UNC79: variants seen among roughly 807,000 people sequenced by gnomAD.
The protein encoded by UNC79 is protein unc-79 homolog.
In UNC79, 37 loss-of-function variants were observed where a neutral mutation model predicts 283.1. The ratio of observed to expected loss-of-function variants is 0.13; its 90% CI spans 0.10 to 0.17. The LOEUF (loss-of-function observed/expected upper bound fraction) is 0.17, where lower values mean the gene tolerates loss of function less well. UNC79 is among the 10% of genes least tolerant of loss of function. The pLI, the probability that UNC79 is intolerant of heterozygous loss-of-function variation, is 1.00. For missense variants in UNC79, 2,272 were observed against 3,211.1 expected, an observed-to-expected ratio of 0.71 and a Z score of 7.07; for synonymous variants, 1,107 against 1,200.2, an observed-to-expected ratio of 0.92 and a Z score of 1.61.
chr14:93,691,802 G>A, exon 46 of UNC79: 2 of 1,614,240 alleles, frequency 1.2e-6, no homozygotes, highest in African/African-American at 1.3e-5. Context: ...TTGCTCAGCT[G>A]TGGACAGTTT....
chr14:93,688,725 G>A lies in UNC79; in HGVS notation c.6970G>A (p.Val2324Met). ...AGATACCTTTGGGGGACATCTCAAA[G>A]TGGGGCTGGCCCAGATTGCAGCCAT... The change falls in exon 44 of 49, where the codon GTG becomes ATG. Residue 2324 changes from valine to methionine, a missense_variant. Around this residue, in one of 11 missense-constraint regions of UNC79, gnomAD observed 1 missense variants for 16.1 expected, o/e 0.06. Transcript: ENST00000555664. This position sits in a 1 kb window ranked among gnomAD's most constrained non-coding sequence, Gnocchi z 4.0. 6.2e-7 allele frequency: 1 copy of A among 1,614,126 alleles called. No homozygotes were observed. The highest frequency in any genetic ancestry group is 8.5e-7 in the Non-Finnish European group (1 of 1,180,016).
intron 5 of UNC79, among the ~76,000 whole-genome samples, chr14:93,496,167 T>C (rs1247611119): frequency 1.3e-5 from 2 of 152,208 alleles, no homozygotes; most frequent in African/African-American, 4.8e-5. Context: ...ACTACCGACA[T>C]TAAAAATATT....
At chr14:93,524,038 T>C in exon 8 of UNC79, 1 of 1,614,146 alleles carries the variant, frequency 6.2e-7, no homozygotes, top group Non-Finnish European at 8.5e-7. Flanking sequence ...AAACCAGCTG[T>C]GAAGGTACTG....
At chr14:93,698,729 G>A (rs2075333387) in intron 47 of UNC79, among the ~76,000 whole-genome samples, 1 of 151,926 alleles carries the variant, frequency 6.6e-6, no homozygotes, top group African/African-American at 2.4e-5. Context: ...CAAGGGATCT[G>A]CCCACCTTGG....
At chr14:93,383,422 T>C (rs556470491) in intron 1 of UNC79, among the ~76,000 whole-genome samples, 2 of 152,272 alleles carry the variant, frequency 1.3e-5, no homozygotes, top group East Asian at 3.9e-4. Context: ...ATAAAGCAAA[T>C]ATAGCAATAA....
intron 1 of UNC79, among the ~76,000 whole-genome samples, chr14:93,418,485 G>C (rs2140064628): frequency 6.6e-6 from 1 of 151,904 alleles, no homozygotes; most frequent in African/African-American, 2.4e-5. Flanking sequence ...GGACCCACTT[G>C]AGGAGGCAGT....
intron 26 of UNC79, among the ~76,000 whole-genome samples, chr14:93,605,759 A>T (rs2065840353): frequency 6.6e-6 from 1 of 152,212 alleles, no homozygotes; most frequent in Non-Finnish European, 1.5e-5. Flanking sequence ...GACTTTAAAG[A>T]TCATTGTGTT....
exon 20 of UNC79, chr14:93,582,311 C>A (rs1448697750): frequency 2.5e-6 from 4 of 1,614,098 alleles, no homozygotes; most frequent in Non-Finnish European, 2.5e-6. Flanking sequence ...TGGGGAGAAC[C>A]CAGGCAACTG....
chr14:93,522,249 A>G (rs1348715436), intron 7 of UNC79, among the ~76,000 whole-genome samples: 1 of 152,108 alleles, frequency 6.6e-6, no homozygotes, highest in Non-Finnish European at 1.5e-5. Flanking sequence ...TTGAATATTA[A>G]TTCTTCCCAT....
chr14:93,341,133 G>A (rs2053699359), intron 1 of UNC79, among the ~76,000 whole-genome samples: 1 of 152,116 alleles, frequency 6.6e-6, no homozygotes, highest in Admixed American at 6.6e-5. Flanking sequence ...TAATTCAGGA[G>A]AAGAAGAGGA....
chr14:93,527,566 T>C (rs1332846687), intron 8 of UNC79, among the ~76,000 whole-genome samples: 1 of 152,190 alleles, frequency 6.6e-6, no homozygotes, highest in Non-Finnish European at 1.5e-5. Context: ...TCCTCAATCA[T>C]TGAAGTGTCT....
chr14:93,546,276 A>G (rs757626484), intron 14 of UNC79, among the ~76,000 whole-genome samples: 6 of 152,328 alleles, frequency 3.9e-5, no homozygotes, highest in Non-Finnish European at 4.4e-5. Flanking sequence ...AAGGGCTACT[A>G]TCATTTAAAC....
At chr14:93,601,887 C>T (rs542312332) in intron 25 of UNC79, among the ~76,000 whole-genome samples, 1 of 152,042 alleles carries the variant, frequency 6.6e-6, no homozygotes, top group East Asian at 1.9e-4. Context: ...GTTTGTTGGC[C>T]GTTTGTATAT....
intron 1 of UNC79, among the ~76,000 whole-genome samples, chr14:93,376,647 G>C (rs1393452380): frequency 1.3e-5 from 2 of 152,140 alleles, no homozygotes; most frequent in African/African-American, 4.8e-5. Flanking sequence ...AGCAGCATGA[G>C]CAGTTAGCTA....
intron 14 of UNC79, among the ~76,000 whole-genome samples, chr14:93,549,095 T>G (rs2061745021): frequency 6.6e-6 from 1 of 152,218 alleles, no homozygotes; most frequent in South Asian, 2.1e-4. Flanking sequence ...GCAGATAAAC[T>G]TATGATCAGC....
chr14:93,555,296 A>G (rs1194933857), intron 14 of UNC79, among the ~76,000 whole-genome samples: 1 of 24,928 alleles, frequency 4.0e-5, no homozygotes, highest in Non-Finnish European at 7.3e-5. Context: ...ATATCTTGGT[A>G]GTAAGACATC....
Position 93,617,006 on chromosome 14 carries a change from G to T in UNC79, c.4042-116G>T. The T allele has an allele frequency of 1.2e-6, 1 of 868,594 alleles. No homozygotes were observed. Among genetic ancestry groups the T allele is most frequent in the East Asian group, 2.6e-5 (1 of 37,892 alleles). The allele number at this position is 868,594 out of a possible 1,614,324, so 53.8% of individuals were successfully genotyped here. A position where few individuals can be genotyped will look rare whatever the true frequency, so the allele number is the denominator to read the frequency against. Reference sequence around the variant, plus strand: ...ACTTTTAATATTCTGTGGGATGCCTGTTAAATATTTTGCCTGTTAAAAATT... The same window carrying T: ...ACTTTTAATATTCTGTGGGATGCCTTTTAAATATTTTGCCTGTTAAAAATT... On this transcript the variant is annotated intron_variant, in intron 27 of 48. Coordinates refer to ENST00000555664, the Ensembl canonical transcript of UNC79. The surrounding 1 kb of genome is among the most constrained non-coding windows in gnomAD (Gnocchi z 4.5).
intron 1 of UNC79, among the ~76,000 whole-genome samples, chr14:93,414,839 A>G (rs1328128995): frequency 6.6e-6 from 1 of 152,148 alleles, no homozygotes; most frequent in Non-Finnish European, 1.5e-5. Flanking sequence ...ATTGGTGTAT[A>G]AGAATGCTTG....
chr14:93,638,718 T>C (rs1337018847), intron 32 of UNC79, among the ~76,000 whole-genome samples: 3 of 152,152 alleles, frequency 2.0e-5, no homozygotes, highest in Non-Finnish European at 4.4e-5. Flanking sequence ...GAGCCAGTAG[T>C]GGAGGCATCA....
Sources: allele counts gnomAD v4.1 joint callset (sites outside exome capture counted in the v4.1 genomes callset), GRCh38; gene constraint gnomAD v4.1.1; regional missense constraint gnomAD v4.1.1; non-coding constraint Gnocchi (gnomAD v3.1); transcripts MANE v1.5; gene names NCBI Gene and HGNC (gene_info 2026-07-23, HGNC 2026-07-21).